Variants in NRXN3 observed in about 807,000 individuals in gnomAD.
NRXN3 encodes the protein neurexin III.
A neutral mutation model predicts 137.6 loss-of-function variants in NRXN3; 32 were observed. That is an observed-to-expected ratio of 0.23 (90% CI 0.18 to 0.31). The LOEUF is 0.31. Among genes scored for constraint, NRXN3 ranks in the 10% least tolerant of loss-of-function variants. The probability of loss-of-function intolerance (pLI) is 1.00; values close to 1 mark genes in which losing one functional copy is unlikely to be tolerated. For missense variants in NRXN3, 1,574 were observed against 2,062.5 expected, an observed-to-expected ratio of 0.76 and a Z score of 4.59; for synonymous variants, 798 against 784.5, an observed-to-expected ratio of 1.02 and a Z score of -0.29.
chr14:79,187,195 T>C (rs1360672967), intron 15 of NRXN3, among the ~76,000 whole-genome samples: 1 of 152,214 alleles, frequency 6.6e-6, no homozygotes, highest in Non-Finnish European at 1.5e-5. Context: ...TTCAAACAAG[T>C]GTACCATGAG....
At chr14:78,780,971 A>T (rs567889529) in intron 8 of NRXN3, among the ~76,000 whole-genome samples, 22 of 152,328 alleles carry the variant, frequency 1.4e-4, no homozygotes, top group African/African-American at 5.0e-4. Flanking sequence ...CAGGCAATTT[A>T]CATTGAGCTA....
intron 15 of NRXN3, among the ~76,000 whole-genome samples, chr14:79,180,565 A>C (rs2062817382): frequency 6.6e-6 from 1 of 152,072 alleles, no homozygotes; most frequent in Non-Finnish European, 1.5e-5. Context: ...ATTAACTGCT[A>C]TTTTTTATTT....
At chr14:78,901,973 T>C (rs1019590932) in intron 10 of NRXN3, among the ~76,000 whole-genome samples, 1 of 151,976 alleles carries the variant, frequency 6.6e-6, no homozygotes, top group African/African-American at 2.4e-5. Context: ...TATTTGAAGG[T>C]TGTCGGGTAT....
intron 10 of NRXN3, among the ~76,000 whole-genome samples, chr14:78,839,875 A>G (rs945306706): frequency 1.3e-5 from 2 of 152,206 alleles, no homozygotes; most frequent in Non-Finnish European, 2.9e-5. Context: ...ATATTATTTG[A>G]GTGTTTTTAC....
chr14:78,964,656 G>A (rs118171922), intron 11 of NRXN3, among the ~76,000 whole-genome samples: 11,930 of 152,188 alleles, frequency 0.078, 732 homozygotes, highest in Admixed American at 0.1. Flanking sequence ...CCCCTCTAAT[G>A]CTTGGCAGTA....
intron 16 of NRXN3, among the ~76,000 whole-genome samples, chr14:79,505,629 A>G (rs976614998): frequency 1.3e-5 from 2 of 152,202 alleles, no homozygotes; most frequent in East Asian, 3.9e-4. Context: ...TCTAATATAT[A>G]TTACCTTACA....
chr14:78,506,817 A>G (rs994985521), intron 4 of NRXN3, among the ~76,000 whole-genome samples: 1 of 151,934 alleles, frequency 6.6e-6, no homozygotes, highest in African/African-American at 2.4e-5. Flanking sequence ...GTACAGGTGC[A>G]TACCATCACA....
chr14:78,565,087 G>A (rs2096825028), intron 4 of NRXN3, among the ~76,000 whole-genome samples: 1 of 152,168 alleles, frequency 6.6e-6, no homozygotes, highest in South Asian at 2.1e-4. Flanking sequence ...GGATAACTGT[G>A]CCCTGTGTGT....
chr14:79,566,612 AC>A (rs1401966391), intron 16 of NRXN3, among the ~76,000 whole-genome samples: 1 of 152,096 alleles, frequency 6.6e-6, no homozygotes, highest in Non-Finnish European at 1.5e-5. Context: ...GACATACATC[AC>A]CAGGGTTAAA....
rs184359954 is a variant in NRXN3, at chr14:78,922,500, G to A, written c.2276-34742G>A. ...CAGATCAAGTTTACGCTGTGTATGGGCCTTCGTCCAATTTAGATGCAGATG... is the reference window on the plus strand; with the variant it reads ...CAGATCAAGTTTACGCTGTGTATGGACCTTCGTCCAATTTAGATGCAGATG... On this transcript the variant is annotated intron_variant, in intron 10 of 20. Transcript: ENST00000335750. Among the ~76,000 whole-genome samples, 263 of 152,282 alleles carry A rather than the reference G, an allele frequency of 1.7e-3. 1 individual carries two copies. Among genetic ancestry groups the A allele is most frequent in the African/African-American group, 5.9e-3 (247 of 41,556 alleles).
chr14:79,265,445 CA>C (rs1004727990), intron 15 of NRXN3, among the ~76,000 whole-genome samples: 5 of 151,736 alleles, frequency 3.3e-5, no homozygotes, highest in African/African-American at 1.2e-4. Flanking sequence ...ACCCTAGTGC[CA>C]ATGGTAGCTA....
At position 79,157,907 on chromosome 14, in the gene NRXN3, A is replaced by G. The variant is rs2060400412; in HGVS notation, c.3262+169766A>G. ...TGGGGACTAGTAAGTACCACTTTTC[A>G]CCTATTGCCATTTGAAAATTGACTG... On this transcript the variant is annotated intron_variant, in intron 15 of 20. Coordinates refer to ENST00000335750, the MANE Select transcript of NRXN3 (RefSeq NM_001330195.2). Among the ~76,000 whole-genome samples, 3 of 151,742 alleles carry G rather than the reference A, an allele frequency of 2.0e-5. No individual in the cohort carries two copies. The South Asian group carries it at 6.2e-4, about 31-fold the overall frequency.
chr14:79,283,754 G>A (rs1225606944), intron 15 of NRXN3, among the ~76,000 whole-genome samples: 1 of 151,744 alleles, frequency 6.6e-6, no homozygotes, highest in Non-Finnish European at 1.5e-5. Flanking sequence ...GCTCTCTTCT[G>A]TTCACCAGTC....
intron 19 of NRXN3, among the ~76,000 whole-genome samples, chr14:79,750,931 T>C (rs148647124): frequency 6.6e-6 from 1 of 152,176 alleles, no homozygotes; most frequent in Non-Finnish European, 1.5e-5. Flanking sequence ...CTGTGCTTAT[T>C]ATGGGGATGA....
chr14:79,128,786 G>A (rs991441541), intron 15 of NRXN3, among the ~76,000 whole-genome samples: 25 of 151,884 alleles, frequency 1.6e-4, no homozygotes, highest in South Asian at 1.3e-3. Context: ...GGTAGAATTC[G>A]GCTGTGAATC....
intron 15 of NRXN3, among the ~76,000 whole-genome samples, chr14:79,111,353 T>G: frequency 6.6e-6 from 1 of 152,200 alleles, no homozygotes; most frequent in East Asian, 1.9e-4. Context: ...ATCAGTATTC[T>G]TTTACCTGTG....
At chr14:79,102,186 A>C (rs2051453793) in intron 15 of NRXN3, among the ~76,000 whole-genome samples, 1 of 152,144 alleles carries the variant, frequency 6.6e-6, no homozygotes, top group Non-Finnish European at 1.5e-5. Context: ...AATATAATAT[A>C]GTTCCCTTCT....
intron 15 of NRXN3, among the ~76,000 whole-genome samples, chr14:79,235,219 AG>A (rs1373516469): frequency 1.3e-5 from 2 of 152,124 alleles, no homozygotes; most frequent in East Asian, 3.9e-4. Flanking sequence ...TGTGTAAGAA[AG>A]GGGAGAAAAC....
At chr14:79,564,441 C>A (rs2153785675) in intron 16 of NRXN3, among the ~76,000 whole-genome samples, 1 of 152,190 alleles carries the variant, frequency 6.6e-6, no homozygotes, top group Non-Finnish European at 1.5e-5. Flanking sequence ...TGTTGAGAAT[C>A]TATTTATGAA....
Sources: allele counts gnomAD v4.1 joint callset (sites outside exome capture counted in the v4.1 genomes callset), GRCh38; gene constraint gnomAD v4.1.1; transcripts MANE v1.5; gene names NCBI Gene and HGNC (gene_info 2026-07-23, HGNC 2026-07-21).